NEGR1: variants seen among roughly 807,000 people sequenced by gnomAD.
NEGR1 encodes IgLON family member 4.
In NEGR1, 10 loss-of-function variants were observed where a neutral mutation model predicts 40.9. The observed-to-expected ratio is 0.24, with a 90% confidence interval of 0.15 to 0.42. The LOEUF is 0.42. NEGR1 is among the 10% of genes least tolerant of loss of function. NEGR1 has a pLI of 1.00. For missense variants in NEGR1, 352 were observed against 438.9 expected, an observed-to-expected ratio of 0.80 and a Z score of 1.77; for synonymous variants, 185 against 166.8, an observed-to-expected ratio of 1.11 and a Z score of -0.84.
intron 5 of NEGR1, among the ~76,000 whole-genome samples, chr1:71,603,831 C>T (rs1165277905): frequency 1.3e-5 from 2 of 152,070 alleles, no homozygotes; most frequent in African/African-American, 2.4e-5. Context: ...AATGCATAAC[C>T]ATAAGTAAAA....
chr1:71,882,521 C>G (rs1660609968), intron 2 of NEGR1, among the ~76,000 whole-genome samples: 1 of 151,924 alleles, frequency 6.6e-6, no homozygotes, highest in African/African-American at 2.4e-5. Context: ...GAGAATGTTT[C>G]CCATAAGAAC....
intron 1 of NEGR1, among the ~76,000 whole-genome samples, chr1:72,236,523 C>T (rs891242852): frequency 1.3e-5 from 2 of 151,954 alleles, no homozygotes; most frequent in Admixed American, 1.3e-4. Context: ...ATGTCTAGTT[C>T]ATCATTGGAA....
chr1:71,853,900 A>T (rs571539541), intron 2 of NEGR1, among the ~76,000 whole-genome samples: 1 of 152,300 alleles, frequency 6.6e-6, no homozygotes, highest in South Asian at 2.1e-4. Flanking sequence ...AGTTCAGAGC[A>T]AAATGGATCA....
intron 2 of NEGR1, among the ~76,000 whole-genome samples, chr1:71,796,380 A>G (rs1489167069): frequency 6.6e-6 from 1 of 152,130 alleles, no homozygotes; most frequent in Non-Finnish European, 1.5e-5. Context: ...TGTGTGTGTA[A>G]TTTTGGAGGT....
intron 4 of NEGR1, among the ~76,000 whole-genome samples, chr1:71,639,601 ATATTAAAACAT>A (rs1651279645): frequency 6.6e-6 from 1 of 152,064 alleles, no homozygotes; most frequent in Admixed American, 6.6e-5. Context: ...GGACACCAGT[ATATTAAAACAT>A]TTTCTCAGAA....
intron 6 of NEGR1, among the ~76,000 whole-genome samples, chr1:71,533,159 T>C (rs1261992506): frequency 2.6e-5 from 4 of 151,614 alleles, no homozygotes; most frequent in African/African-American, 7.3e-5. Flanking sequence ...TTCCATATCC[T>C]AGACTATAGC....
chr1:72,254,867 C>A (rs1434464800), intron 1 of NEGR1, among the ~76,000 whole-genome samples: 1 of 145,688 alleles, frequency 6.9e-6, no homozygotes, highest in Non-Finnish European at 1.5e-5. Flanking sequence ...TTATTTATAG[C>A]TGATTTTTTT....
At chr1:71,773,435 A>G (rs1422856296) in intron 3 of NEGR1, among the ~76,000 whole-genome samples, 2 of 152,182 alleles carry the variant, frequency 1.3e-5, no homozygotes, top group East Asian at 1.9e-4. Context: ...ATATAGCAAA[A>G]GAGGAGCTGA....
intron 6 of NEGR1, among the ~76,000 whole-genome samples, chr1:71,461,986 A>G (rs142199187): frequency 6.6e-6 from 1 of 152,266 alleles, no homozygotes; most frequent in East Asian, 1.9e-4. Flanking sequence ...TGGGATTCGA[A>G]CCCTGCTCTG....
At chr1:72,108,230 T>C (rs578035083) in intron 1 of NEGR1, among the ~76,000 whole-genome samples, 1 of 151,786 alleles carries the variant, frequency 6.6e-6, no homozygotes, top group South Asian at 2.1e-4. Context: ...GATTCAGATT[T>C]TCTGATTTTT....
intron 1 of NEGR1, among the ~76,000 whole-genome samples, chr1:72,246,054 T>C (rs1654893101): frequency 1.3e-5 from 2 of 152,316 alleles, no homozygotes; most frequent in South Asian, 4.1e-4. Context: ...GTTCCATTGT[T>C]AGAATGAGTT....
At chr1:71,544,913 T>C (rs1346685303) in intron 6 of NEGR1, among the ~76,000 whole-genome samples, 1 of 151,694 alleles carries the variant, frequency 6.6e-6, no homozygotes, top group Non-Finnish European at 1.5e-5. Context: ...CCTAACCTCT[T>C]TCCAGGCTCT....
At chr1:71,493,379 T>G (rs1457076122) in intron 6 of NEGR1, among the ~76,000 whole-genome samples, 1 of 152,058 alleles carries the variant, frequency 6.6e-6, no homozygotes, top group Non-Finnish European at 1.5e-5. Flanking sequence ...TCAAAAAACC[T>G]TCTTACTTAA....
chr1:72,045,809 C>T (rs1399471198), intron 1 of NEGR1, among the ~76,000 whole-genome samples: 1 of 145,776 alleles, frequency 6.9e-6, no homozygotes, highest in East Asian at 2.2e-4. Context: ...GAAGAGACTA[C>T]CATAGGAAAA....
At chr1:71,684,682 G>A (rs1652964186) in intron 4 of NEGR1, among the ~76,000 whole-genome samples, 2 of 152,170 alleles carry the variant, frequency 1.3e-5, no homozygotes, top group African/African-American at 2.4e-5. Flanking sequence ...TGAAGTATCA[G>A]AATGTTAAAT....
intron 1 of NEGR1, among the ~76,000 whole-genome samples, chr1:72,002,699 C>T (rs1161209661): frequency 6.6e-6 from 1 of 152,070 alleles, no homozygotes; most frequent in Admixed American, 6.6e-5. Flanking sequence ...ATTTACTATT[C>T]GTATTACTAA....
At chr1:71,852,428 A>T (rs555216711) in intron 2 of NEGR1, among the ~76,000 whole-genome samples, 1 of 152,148 alleles carries the variant, frequency 6.6e-6, no homozygotes. Context: ...CCATATTTCA[A>T]TATGAAAAAT....
At chr1:71,768,906 T>TC (rs1656220857) in intron 3 of NEGR1, among the ~76,000 whole-genome samples, 1 of 151,918 alleles carries the variant, frequency 6.6e-6, no homozygotes, top group Non-Finnish European at 1.5e-5. Context: ...GTGTAGAACC[T>TC]CCCCCGACCC....
At chr1:71,578,194 A>C (rs548551794) in intron 6 of NEGR1, among the ~76,000 whole-genome samples, 165 of 152,270 alleles carry the variant, frequency 1.1e-3, no homozygotes, top group Non-Finnish European at 1.9e-3. Flanking sequence ...AAGCCATCTC[A>C]GCTCTCTCAT....
Sources: gnomAD v4.1 joint callset for allele counts (sites outside exome capture counted in the v4.1 genomes callset) on GRCh38, gnomAD v4.1.1 for gene constraint, MANE v1.5 for transcripts, NCBI Gene and HGNC (gene_info 2026-07-23, HGNC 2026-07-21) for gene names.